The following CWC22 variants were observed in gnomAD, a reference collection of about 807,000 sequenced individuals.
CWC22 encodes pre-mRNA-splicing factor CWC22 homolog.
Under a neutral mutation model 117.2 loss-of-function variants are expected in CWC22, and 53 were observed. The ratio of observed to expected loss-of-function variants is 0.45; its 90% CI spans 0.36 to 0.57. The LOEUF is 0.57. CWC22 is among the 20% of genes least tolerant of loss of function. The pLI is 0.00. For synonymous variants in CWC22, 360 were observed against 355.6 expected, an observed-to-expected ratio of 1.01 and a Z score of -0.14; for missense variants, 980 against 1,068.8, an observed-to-expected ratio of 0.92 and a Z score of 1.16.
intron 19 of CWC22, among the ~76,000 whole-genome samples, chr2:179,946,722 T>C (rs568116080): frequency 3.3e-4 from 50 of 152,286 alleles, no homozygotes; most frequent in African/African-American, 1.1e-3. Context: ...CAAACTAGCA[T>C]TCACTTCCTA....
chr2:179,978,242 TG>T lies in CWC22; in HGVS notation c.528del (p.Asn177ThrfsTer2). 1 of 1,575,384 alleles carries T rather than the reference TG, an allele frequency of 6.3e-7. No individual in the cohort carries two copies. The highest frequency in any genetic ancestry group is 8.6e-7 in the Non-Finnish European group (1 of 1,162,634). On this transcript the variant is annotated frameshift_variant, in exon 6 of 20. Transcript: ENST00000410053. LOFTEE classifies it high-confidence loss of function. The part of the protein sequence containing the change: ...INGLINKVNI[S>X]NISIIIQELL... ...AGCTCTTGAATAATAATACTTATGT[TG>T]GAAATGTTGACTTTGTTGATAAGGC...
intron 11 of CWC22, 103 bp from the exon 12 acceptor site, chr2:179,966,085 T>A: frequency 1.2e-6 from 1 of 838,402 alleles, no homozygotes; most frequent in Non-Finnish European, 1.8e-6. Flanking sequence ...CACTGTGGTG[T>A]AACAGTTTGC....
At chr2:179,963,707 G>A (rs1649957152) in intron 13 of CWC22, among the ~76,000 whole-genome samples, 1 of 152,138 alleles carries the variant, frequency 6.6e-6, no homozygotes, top group African/African-American at 2.4e-5. Flanking sequence ...CCCAACCAAT[G>A]TTTTGCTGTT....
intron 16 of CWC22, 125 bp from the exon 17 acceptor site, chr2:179,952,723 A>ATC (rs1355368212): frequency 2.1e-6 from 1 of 469,320 alleles, no homozygotes; most frequent in Non-Finnish European, 3.6e-6. Context: ...AACCAGAGTT[A>ATC]TCTCTGAATA....
chr2:180,004,873 G>T (rs192235547), intron 1 of CWC22, among the ~76,000 whole-genome samples: 8 of 152,172 alleles, frequency 5.3e-5, no homozygotes, highest in African/African-American at 1.9e-4. Flanking sequence ...ATAAATACTG[G>T]CTGGCCATGC....
chr2:179,996,802 G>T (rs1021664233), intron 1 of CWC22, among the ~76,000 whole-genome samples: 5 of 149,128 alleles, frequency 3.4e-5, no homozygotes, highest in African/African-American at 5.0e-5. Context: ...CTTGAAAATA[G>T]TGAAACAATT....
At chr2:179,983,677 AG>A (rs1165478716) in intron 4 of CWC22, among the ~76,000 whole-genome samples, 16 of 152,140 alleles carry the variant, frequency 1.1e-4, no homozygotes, top group Non-Finnish European at 1.9e-4. Flanking sequence ...CTGAGGTATA[AG>A]AGACTTAAAT....
chr2:179,979,722 G>A (rs758915125), intron 5 of CWC22, among the ~76,000 whole-genome samples: 7 of 152,132 alleles, frequency 4.6e-5, no homozygotes, highest in Non-Finnish European at 1.0e-4. Context: ...TACCCAAGGT[G>A]GACTATTCCA....
intron 5 of CWC22, among the ~76,000 whole-genome samples, chr2:179,979,434 G>A (rs1322149635): frequency 6.6e-6 from 1 of 152,136 alleles, no homozygotes; most frequent in Non-Finnish European, 1.5e-5. Flanking sequence ...CTTTAGAGAT[G>A]AGTAAAAATA....
At position 179,974,452 on chromosome 2, in the gene CWC22, T is replaced by G. The variant is rs555101785; in HGVS notation, c.582-650A>C. ...TTGATGAGGAAGGGGAAAGGCAAAT[T>G]GGGCAAACTAAAGTTACTTTTAGCA... On this transcript the variant is annotated intron_variant, in intron 6 of 19. Coordinates refer to ENST00000410053, the MANE Select transcript of CWC22 (RefSeq NM_020943.3). 6.0e-4 allele frequency among the ~76,000 whole-genome samples: 91 copies of G among 152,278 alleles called. 1 individual carries two copies. In the South Asian group the frequency reaches 8.9e-3, roughly 15 times the overall value.
intron 5 of CWC22, among the ~76,000 whole-genome samples, chr2:179,978,627 C>T (rs751268492): frequency 9.9e-5 from 15 of 151,956 alleles, no homozygotes; most frequent in East Asian, 1.9e-4. Flanking sequence ...AAATTCAATA[C>T]ATGCTTATTT....
intron 16 of CWC22, among the ~76,000 whole-genome samples, chr2:179,953,608 GA>G (rs1465043426): frequency 6.6e-6 from 1 of 152,036 alleles, no homozygotes; most frequent in Non-Finnish European, 1.5e-5. Flanking sequence ...AACACTGGTT[GA>G]AAAACAGCTG....
In CWC22 at chr2:179,967,113, C is replaced by T. The variant is rs186843633; in HGVS notation, c.1211-1131G>A. On this transcript the variant is annotated intron_variant, in intron 11 of 19. Transcript: ENST00000410053. The stretch of plus-strand genomic sequence containing the variant: ...TATTTAGTATTCAATAGTAGGAAGA[C>T]AGGCATTCCTGCTGTTTTCCCAAAC... Among the ~76,000 whole-genome samples the T allele has an allele frequency of 4.6e-5, 7 of 152,294 alleles. No individual in the cohort carries two copies. The East Asian group carries it at 9.7e-4, about 21-fold the overall frequency.
At chr2:179,989,687 C>T (rs540645174) in intron 2 of CWC22, among the ~76,000 whole-genome samples, 1 of 152,104 alleles carries the variant, frequency 6.6e-6, no homozygotes, top group South Asian at 2.1e-4. Context: ...GAGACTACAT[C>T]CTAATTAAAA....
At chr2:179,974,515 G>C (rs1687109352) in intron 6 of CWC22, among the ~76,000 whole-genome samples, 1 of 151,916 alleles carries the variant, frequency 6.6e-6, no homozygotes, top group Non-Finnish European at 1.5e-5. Context: ...CCAAAAGTCA[G>C]GAAAAAAAGT....
rs774187335 is a variant in CWC22, at chr2:179,981,805, A to G, written c.399T>C (p.Tyr133=). 2.6e-5 allele frequency: 42 copies of G among 1,613,742 alleles called. No homozygotes were observed. The highest frequency in any genetic ancestry group is 3.4e-5 in the Non-Finnish European group (40 of 1,179,848). The change falls in exon 5 of 20, where the codon TAT becomes TAC. Residue 133 remains tyrosine (Y), a synonymous_variant. Transcript: ENST00000410053. The stretch of plus-strand genomic sequence containing the variant: ...TCATCCTGAGCTTTGCAGGGGGAAT[A>G]TATGCTCCACCAGTGCGAGTAAGAA... ...DPLLTRTGGA[Y]IPPAKLRMMQ...
At chr2:179,953,276 T>TA (rs888659333) in intron 16 of CWC22, among the ~76,000 whole-genome samples, 6 of 152,060 alleles carry the variant, frequency 3.9e-5, no homozygotes, top group Admixed American at 3.3e-4. Flanking sequence ...ACTTGGTACT[T>TA]AAAGTACTAT....
intron 2 of CWC22, among the ~76,000 whole-genome samples, chr2:179,989,174 G>A (rs1297956174): frequency 6.6e-6 from 1 of 151,450 alleles, no homozygotes; most frequent in African/African-American, 2.4e-5. Context: ...AAAAATTCAA[G>A]GTAGAAAAAG....
At position 179,945,725 on chromosome 2, in the gene CWC22, T is replaced by A. The variant is rs1335383019; in HGVS notation, c.2141-10A>T. 1 of 1,467,400 alleles carries A rather than the reference T, an allele frequency of 6.8e-7. No homozygotes were observed. Among genetic ancestry groups the A allele is most frequent in the East Asian group, 2.3e-5 (1 of 44,212 alleles). The allele number at this position is 1,467,400 out of a possible 1,614,324, so 90.9% of individuals were successfully genotyped here. ...TTTCTTACATCATTAGCTGCGTGTG[T>A]AAAATAAAAGACAGTTAGCTTTTAT... is the stretch of plus-strand genomic sequence containing the variant. On this transcript the variant is annotated splice_polypyrimidine_tract_variant and intron_variant, in intron 19 of 19. Coordinates refer to ENST00000410053, the MANE Select transcript of CWC22 (RefSeq NM_020943.3).
Sources: gnomAD v4.1 joint callset for allele counts (sites outside exome capture counted in the v4.1 genomes callset) on GRCh38, gnomAD v4.1.1 for gene constraint, MANE v1.5 for transcripts, NCBI Gene and HGNC (gene_info 2026-07-23, HGNC 2026-07-21) for gene names.